Variants in NFIA observed in about 807,000 individuals in gnomAD.
The protein encoded by NFIA is nuclear factor I A.
NFIA carries 8 observed loss-of-function variants against 62.8 expected under a neutral mutation model. The ratio of observed to expected loss-of-function variants is 0.13; its 90% CI spans 0.07 to 0.23. The LOEUF (loss-of-function observed/expected upper bound fraction) is 0.23. NFIA is among the 10% of genes least tolerant of loss of function. NFIA has a pLI of 1.00. For synonymous variants in NFIA, 235 were observed against 238.1 expected (o/e 0.99, Z 0.12); for missense variants, 410 against 642.1 (o/e 0.64, Z 3.91).
intron 2 of NFIA, among the ~76,000 whole-genome samples, chr1:61,195,063 G>T (rs199960198): frequency 6.6e-6 from 1 of 151,734 alleles, no homozygotes; most frequent in Non-Finnish European, 1.5e-5. Flanking sequence ...ACCTCTTGTT[G>T]TATGTTATTC....
At chr1:61,251,237 C>A (rs1656016047) in intron 2 of NFIA, 1 of 152,176 alleles carries the variant, frequency 6.6e-6, no homozygotes. Flanking sequence ...ATAAAAATTT[C>A]ACTGGAAAGG....
chr1:61,435,339 T>C (rs1667278590), intron 10 of NFIA, among the ~76,000 whole-genome samples: 1 of 152,194 alleles, frequency 6.6e-6, no homozygotes, highest in Non-Finnish European at 1.5e-5. Context: ...CAATTAAGTG[T>C]GGTTTAAGCC....
chr1:61,142,228 T>C (rs1000886200), intron 2 of NFIA, among the ~76,000 whole-genome samples: 1 of 152,178 alleles, frequency 6.6e-6, no homozygotes, highest in African/African-American at 2.4e-5. Context: ...AAGACTGCAA[T>C]TTCAAATGAG....
chr1:61,328,556 G>C (rs2100383498), intron 3 of NFIA, among the ~76,000 whole-genome samples: 2 of 151,934 alleles, frequency 1.3e-5, no homozygotes, highest in South Asian at 4.2e-4. Context: ...CGAGTAGCTG[G>C]GATTACAGGC....
intron 6 of NFIA, among the ~76,000 whole-genome samples, chr1:61,365,214 C>G (rs1295366979): frequency 6.6e-6 from 1 of 152,070 alleles, no homozygotes; most frequent in Non-Finnish European, 1.5e-5. Context: ...AACAGAAAAA[C>G]AGAATCTCAC....
chr1:61,203,840 C>T (rs1039249488), intron 2 of NFIA, among the ~76,000 whole-genome samples: 3 of 152,082 alleles, frequency 2.0e-5, no homozygotes, highest in Non-Finnish European at 2.9e-5. Flanking sequence ...TAGTAGGAGC[C>T]GGCCTTTGAG....
chr1:61,226,112 A>G (rs1218144285), intron 2 of NFIA, among the ~76,000 whole-genome samples: 1 of 152,216 alleles, frequency 6.6e-6, no homozygotes, highest in Non-Finnish European at 1.5e-5. Flanking sequence ...TTTAGAAGAA[A>G]GTAGTATTTG....
At chr1:61,205,170 A>G (rs1212039404) in intron 2 of NFIA, among the ~76,000 whole-genome samples, 2 of 152,230 alleles carry the variant, frequency 1.3e-5, no homozygotes, top group Admixed American at 6.5e-5. Flanking sequence ...CAGTTTATCG[A>G]AGGCCATACT....
At chr1:61,241,105 G>C (rs1372489112) in intron 2 of NFIA, among the ~76,000 whole-genome samples, 1 of 151,994 alleles carries the variant, frequency 6.6e-6, no homozygotes, top group Non-Finnish European at 1.5e-5. Context: ...GGGACAGTCT[G>C]AAATATTGTG....
chr1:61,246,148 A>G (rs1299824293), intron 2 of NFIA, among the ~76,000 whole-genome samples: 1 of 152,220 alleles, frequency 6.6e-6, no homozygotes, highest in Non-Finnish European at 1.5e-5. Flanking sequence ...GATATGAATC[A>G]TAAGCTACTT....
intron 2 of NFIA, among the ~76,000 whole-genome samples, chr1:61,246,604 T>TA (rs11291892): frequency 1.2e-4 from 18 of 150,794 alleles, no homozygotes; most frequent in South Asian, 6.3e-4. Flanking sequence ...TTCCAACTCT[T>TA]AAAAAAAAAA....
chr1:61,309,130 A>G (rs1417800531), intron 3 of NFIA, among the ~76,000 whole-genome samples: 1 of 152,056 alleles, frequency 6.6e-6, no homozygotes, highest in Non-Finnish European at 1.5e-5. Flanking sequence ...TTTCCTTACA[A>G]AGCCTTTCCT....
intron 10 of NFIA, among the ~76,000 whole-genome samples, chr1:61,441,916 C>T (rs553236928): frequency 5.3e-5 from 8 of 151,656 alleles, no homozygotes; most frequent in African/African-American, 1.9e-4. Context: ...TGTTCCCTTT[C>T]CCCCACCCCC....
intron 10 of NFIA, among the ~76,000 whole-genome samples, chr1:61,451,089 A>G (rs1668036056): frequency 6.6e-6 from 1 of 152,174 alleles, no homozygotes; most frequent in Admixed American, 6.5e-5. Flanking sequence ...GGCGTACGAA[A>G]TGGAAGAGAT....
intron 2 of NFIA, among the ~76,000 whole-genome samples, chr1:61,220,778 GA>G (rs1291145502): frequency 1.3e-5 from 2 of 152,128 alleles, no homozygotes; most frequent in Non-Finnish European, 2.9e-5. Flanking sequence ...TGTTATTGCA[GA>G]AAATACTGAA....
intron 3 of NFIA, among the ~76,000 whole-genome samples, chr1:61,300,852 G>C (rs1440985954): frequency 6.6e-6 from 1 of 151,854 alleles, no homozygotes. Flanking sequence ...AATACATACA[G>C]TAAGATAGAA....
In NFIA at chr1:61,359,176, A is replaced by G. The variant is rs1290464459; in HGVS notation, c.848A>G (p.Asp283Gly). The G allele has an allele frequency of 1.9e-6, 3 of 1,613,408 alleles. No individual in the cohort carries two copies. The highest frequency in any genetic ancestry group is 1.7e-6 in the Non-Finnish European group (2 of 1,179,974). The change falls in exon 6 of 11, where the codon GAT becomes GGT. Residue 283 changes from aspartate (D) to glycine (G), a missense_variant. By Grantham distance (94) the Asp-to-Gly change is moderately conservative. Coordinates refer to ENST00000403491, the MANE Select transcript of NFIA (RefSeq NM_001134673.4). ...SSTKRLKSVEDEMDSPGEEPF... is the reference protein window; with the variant it reads ...SSTKRLKSVEGEMDSPGEEPF... ...ACAAAGCGCCTCAAGTCTGTGGAGGATGAAATGGACAGTCCTGGTGAGGAG... is the reference window on the plus strand; with the variant it reads ...ACAAAGCGCCTCAAGTCTGTGGAGGGTGAAATGGACAGTCCTGGTGAGGAG...
chr1:61,082,951 C>A, intron 1 of NFIA, 133 bp downstream of exon 1: 2 of 399,378 alleles, frequency 5.0e-6, no homozygotes, highest in Non-Finnish European at 6.7e-6. Flanking sequence ...TCTGTGTCTG[C>A]GCGTGTTTCT....
At chr1:61,320,628 T>G (rs1660631443) in intron 3 of NFIA, among the ~76,000 whole-genome samples, 1 of 104,638 alleles carries the variant, frequency 9.6e-6, no homozygotes, top group African/African-American at 2.6e-5. Flanking sequence ...CCAAAATCAG[T>G]GTTGAGTATC....
Sources: gnomAD v4.1 joint callset for allele counts (sites outside exome capture counted in the v4.1 genomes callset) on GRCh38, gnomAD v4.1.1 for gene constraint, MANE v1.5 for transcripts, NCBI Gene and HGNC (gene_info 2026-07-23, HGNC 2026-07-21) for gene names.